COL19A1: variants seen among roughly 807,000 people sequenced by gnomAD.
COL19A1 encodes the protein collagen type XIX alpha 1 chain, also known as collagen alpha-1(XIX) chain.
In COL19A1, 159 loss-of-function variants were observed where a neutral mutation model predicts 190.2. That is an observed-to-expected ratio of 0.84 (90% CI 0.73 to 0.95). The LOEUF is 0.95. Among genes scored for constraint, COL19A1 ranks in the 40% least tolerant of loss-of-function variants. The pLI, the probability that COL19A1 is intolerant of heterozygous loss-of-function variation, is 0.00. For missense variants in COL19A1, 1,418 were observed against 1,431.9 expected (o/e 0.99, Z 0.16); for synonymous variants, 509 against 458.9 (o/e 1.11, Z -1.39).
At position 70,141,005 on chromosome 6, in the gene COL19A1, A is replaced by G. The variant is rs1204419921; in HGVS notation, c.1482+16A>G. 6.2e-7 allele frequency: 1 copy of G among 1,605,824 alleles called. No individual in the cohort carries two copies. Among genetic ancestry groups the G allele is most frequent in the Non-Finnish European group, 8.5e-7 (1 of 1,173,988 alleles). ...AGGAGATAGAGTAAGTAGATATTTT[A>G]TCACTACCTTGGGTTTTCTACTTCA... On this transcript the variant is annotated intron_variant, in intron 20 of 50. Transcript: ENST00000620364.
At chr6:70,173,802 C>T (rs957673065) in intron 41 of COL19A1, among the ~76,000 whole-genome samples, 3 of 151,882 alleles carry the variant, frequency 2.0e-5, no homozygotes, top group Admixed American at 1.3e-4. Flanking sequence ...GAAGTAGGGT[C>T]GAGGTTTTAT....
chr6:69,966,167 C>T (rs1775083428), intron 11 of COL19A1, among the ~76,000 whole-genome samples: 1 of 152,156 alleles, frequency 6.6e-6, no homozygotes, highest in Non-Finnish European at 1.5e-5. Flanking sequence ...CAGCCCCCGC[C>T]CGGCCAGCTG....
rs1274269745 is a variant in COL19A1, at chr6:70,193,536, GCCAGGT to G, written c.3094+3162_3094+3167del. Among the ~76,000 whole-genome samples the G allele has an allele frequency of 2.0e-5, 3 of 152,254 alleles. No homozygotes were observed. In the East Asian group the frequency reaches 5.8e-4, roughly 29 times the overall value. On this transcript the variant is annotated intron_variant, in intron 48 of 50. Transcript: ENST00000620364. ...CTGCGTCTCTGTCTCTTCCAGCCTG[GCCAGGT>G]CCAGGTGAGTGGCTGGACCCCCACC...
chr6:70,141,584 A>C (rs76112528), intron 20 of COL19A1, among the ~76,000 whole-genome samples: 1 of 152,086 alleles, frequency 6.6e-6, no homozygotes, highest in African/African-American at 2.4e-5. Context: ...ACATGAGATT[A>C]GTTGGTGTCA....
intron 1 of COL19A1, among the ~76,000 whole-genome samples, chr6:69,868,879 A>C (rs994069747): frequency 6.6e-6 from 1 of 152,240 alleles, no homozygotes; most frequent in African/African-American, 2.4e-5. Context: ...CACAGAGTCA[A>C]TGGTTCTAGA....
rs777030279 is a variant in COL19A1, at chr6:70,190,407, G to A, written c.3094+26G>A. The A allele has an allele frequency of 5.1e-5, 76 of 1,502,714 alleles. 1 individual carries two copies. The Middle Eastern group carries it at 2.2e-3, about 44-fold the overall frequency. The allele number at this position is 1,502,714 out of a possible 1,614,324, so 93.1% of individuals were successfully genotyped here. ...GTTAGATTTTCTTAATAACATTTTC[G>A]AATTTTTCACTGATTCCCACCTCCC... On this transcript the variant is annotated intron_variant, in intron 48 of 50. Coordinates refer to ENST00000620364, the MANE Select transcript of COL19A1 (RefSeq NM_001858.6).
At chr6:69,976,858 G>A (rs1335756201) in intron 11 of COL19A1, among the ~76,000 whole-genome samples, 1 of 152,174 alleles carries the variant, frequency 6.6e-6, no homozygotes, top group African/African-American at 2.4e-5. Flanking sequence ...ATGCCTCTGA[G>A]CATTCAGGTG....
At chr6:70,050,986 T>A (rs1780170262) in intron 14 of COL19A1, among the ~76,000 whole-genome samples, 1 of 151,762 alleles carries the variant, frequency 6.6e-6, no homozygotes, top group African/African-American at 2.4e-5. Flanking sequence ...CTATTTTGAT[T>A]TATTTAGTTA....
At position 69,921,459 on chromosome 6, in the gene COL19A1, A is replaced by AT. The variant is rs1216997835; in HGVS notation, c.267-6449dup. On this transcript the variant is annotated intron_variant, in intron 4 of 50. Transcript: ENST00000620364. ...ATCATATATATCATATATCATATAT[A>AT]TCATATATATTCATATATTCATATA... 5.9e-3 allele frequency among the ~76,000 whole-genome samples: 125 copies of AT among 21,160 alleles called. 7 individuals are homozygous for AT. The highest frequency in any genetic ancestry group is 0.016 in the African/African-American group (97 of 6,134). The allele number at this position is 21,160 out of a possible 152,430, so 13.9% of individuals were successfully genotyped here.
intron 27 of COL19A1, among the ~76,000 whole-genome samples, chr6:70,148,645 G>A (rs1786828646): frequency 6.6e-6 from 1 of 152,128 alleles, no homozygotes; most frequent in Admixed American, 6.5e-5. Context: ...AATTATTAGA[G>A]GCTGGGCCTG....
chr6:70,035,952 G>A lies in COL19A1; in HGVS notation c.1170+13G>A. 1 of 1,612,074 alleles carries A rather than the reference G, an allele frequency of 6.2e-7. No homozygotes were observed. The highest frequency in any genetic ancestry group is 1.7e-4 in the Middle Eastern group (1 of 6,050). ...ACCAGCCTTACCTGTAAGTATTCTTGAAATCAAAATTCAAAATTGAAATCC... is the reference window on the plus strand; with the variant it reads ...ACCAGCCTTACCTGTAAGTATTCTTAAAATCAAAATTCAAAATTGAAATCC... On this transcript the variant is annotated intron_variant, in intron 14 of 50. Coordinates refer to ENST00000620364, the MANE Select transcript of COL19A1 (RefSeq NM_001858.6).
Position 69,900,261 on chromosome 6 carries a change from T to C in COL19A1, c.189T>C (p.Phe63=). 1 of 1,593,194 alleles carries C rather than the reference T, an allele frequency of 6.3e-7. No homozygotes were observed. Among genetic ancestry groups the C allele is most frequent in the South Asian group, 1.2e-5 (1 of 86,426 alleles). Residue 63 remains phenylalanine, a synonymous_variant, in exon 4 of 51, where the codon TTT becomes TTC. Transcript: ENST00000620364. ...EVSGFDLGDS[F]SLRRAFCESD... is the part of the protein sequence containing the mutation. ...CAGGTTTTGATCTAGGAGACAGCTT[T>C]TCTCTAAGACGTGCATTTTGTGAAA... is the stretch of plus-strand genomic sequence containing the variant.
At chr6:70,090,559 G>A (rs1195019000) in intron 15 of COL19A1, among the ~76,000 whole-genome samples, 1 of 151,350 alleles carries the variant, frequency 6.6e-6, no homozygotes, top group Non-Finnish European at 1.5e-5. Context: ...ACCAAGAGAT[G>A]ACTGTACATA....
rs371945160 is a variant in COL19A1, at chr6:70,144,250, T to C, written c.1667T>C (p.Ile556Thr). The C allele has an allele frequency of 8.9e-5, 144 of 1,612,284 alleles. No individual in the cohort carries two copies. Among genetic ancestry groups the C allele is most frequent in the Non-Finnish European group, 1.1e-4 (135 of 1,178,810 alleles). Residue 556 changes from isoleucine to threonine, a missense_variant, in exon 24 of 51, where the codon ATT becomes ACT. Coordinates refer to ENST00000620364, the MANE Select transcript of COL19A1 (RefSeq NM_001858.6). The part of the protein sequence containing the change: ...GEHGIPGKQG[I>T]KGEKGDPGGI... ...CATGGTATCCCAGGAAAACAAGGCA[T>C]TAAAGGAGAAAAGGTATAGTTTACA...
chr6:69,870,002 G>A (rs750545473), intron 1 of COL19A1, among the ~76,000 whole-genome samples: 1 of 152,080 alleles, frequency 6.6e-6, no homozygotes, highest in African/African-American at 2.4e-5. Context: ...CTATTTTTTT[G>A]TCCCACTAAG....
At chr6:70,135,075 T>C (rs1377682079) in intron 18 of COL19A1, among the ~76,000 whole-genome samples, 2 of 152,182 alleles carry the variant, frequency 1.3e-5, no homozygotes, top group African/African-American at 2.4e-5. Context: ...AGGGAGATAT[T>C]TACTTACGCT....
chr6:69,878,369 G>A (rs952143359), intron 1 of COL19A1, among the ~76,000 whole-genome samples: 5 of 151,628 alleles, frequency 3.3e-5, no homozygotes, highest in South Asian at 2.1e-4. Context: ...GCCCGCCACC[G>A]TGCCTGACTA....
At chr6:69,879,202 TTG>T in intron 1 of COL19A1, among the ~76,000 whole-genome samples, 1 of 152,352 alleles carries the variant, frequency 6.6e-6, no homozygotes, top group South Asian at 2.1e-4. Flanking sequence ...AAATTTTATA[TTG>T]TGTGTATTTG....
chr6:70,089,985 C>T (rs1223300840), intron 15 of COL19A1, among the ~76,000 whole-genome samples: 1 of 151,622 alleles, frequency 6.6e-6, no homozygotes, highest in African/African-American at 2.4e-5. Context: ...TATTTTTTAG[C>T]CTGGGCAACA....
Sources: allele counts gnomAD v4.1 joint callset (sites outside exome capture counted in the v4.1 genomes callset), GRCh38; gene constraint gnomAD v4.1.1; transcripts MANE v1.5; gene names NCBI Gene and HGNC (gene_info 2026-07-23, HGNC 2026-07-21).